The following CSTF3 variants were observed in gnomAD, a reference collection of about 807,000 sequenced individuals.
CSTF3 encodes CF-1 77 kDa subunit.
Under a neutral mutation model 105.8 loss-of-function variants are expected in CSTF3, and 29 were observed. The observed-to-expected ratio is 0.27, with a 90% confidence interval of 0.20 to 0.37. The LOEUF (loss-of-function observed/expected upper bound fraction) is 0.37, where lower values mean the gene tolerates loss of function less well. CSTF3 is among the 10% of genes least tolerant of loss of function. CSTF3 has a pLI of 1.00. For missense variants in CSTF3, 357 were observed against 879.3 expected, an observed-to-expected ratio of 0.41 and a Z score of 7.51; for synonymous variants, 252 against 281.9, an observed-to-expected ratio of 0.89 and a Z score of 1.06.
intron 17 of CSTF3, among the ~76,000 whole-genome samples, chr11:33,087,872 G>T (rs1017256373): frequency 1.2e-4 from 18 of 152,150 alleles, no homozygotes; most frequent in Non-Finnish European, 2.9e-5. Flanking sequence ...CACTAGCATT[G>T]CCCTGCCAGG....
chr11:33,158,242 GA>G lies in CSTF3; in HGVS notation c.27+3056del, dbSNP rs767322979. Among the ~76,000 whole-genome samples the G allele has an allele frequency of 7.2e-4, 110 of 152,246 alleles. 1 individual carries two copies. The highest frequency in any genetic ancestry group is 3.4e-3 in the Middle Eastern group (1 of 294). On this transcript the variant is annotated intron_variant, in intron 1 of 20. Coordinates refer to ENST00000323959, the MANE Select transcript of CSTF3 (RefSeq NM_001326.3). ...AAGATGACTTCCTTGTTGATAATCA[GA>G]TGTCTAAATTGCCTTTCAGACTTAA...
At chr11:33,117,258 A>G (rs1855439766) in intron 3 of CSTF3, among the ~76,000 whole-genome samples, 1 of 152,030 alleles carries the variant, frequency 6.6e-6, no homozygotes, top group Admixed American at 6.6e-5. Context: ...AGTACTTGAC[A>G]TAAGAAAAAC....
chr11:33,143,215 G>A (rs1235679341), intron 1 of CSTF3, among the ~76,000 whole-genome samples: 2 of 152,124 alleles, frequency 1.3e-5, no homozygotes, highest in Non-Finnish European at 2.9e-5. Context: ...GCTTAGACTG[G>A]TCATCCTTGG....
At chr11:33,105,806 A>C (rs1206313293) in intron 7 of CSTF3, 77 bp downstream of exon 7, 1 of 1,511,070 alleles carries the variant, frequency 6.6e-7, no homozygotes, top group Admixed American at 2.1e-5. Context: ...AATAGTATGG[A>C]GATTTCTCAA....
chr11:33,141,029 G>T (rs1236948362), intron 3 of CSTF3: 2 of 151,482 alleles, frequency 1.3e-5, no homozygotes, highest in Non-Finnish European at 2.9e-5. Flanking sequence ...TACATGCCTG[G>T]GTTCAAATTT....
chr11:33,158,615 A>G (rs958163439), intron 1 of CSTF3, among the ~76,000 whole-genome samples: 1 of 152,210 alleles, frequency 6.6e-6, no homozygotes, highest in Admixed American at 6.5e-5. Context: ...GACCCTTAAC[A>G]ATGAGATCAC....
intron 10 of CSTF3, among the ~76,000 whole-genome samples, chr11:33,101,767 G>C (rs897448028): frequency 1.3e-5 from 2 of 152,110 alleles, no homozygotes; most frequent in Non-Finnish European, 2.9e-5. Context: ...AAACTCCATG[G>C]TGGTTGAAGG....
intron 3 of CSTF3, among the ~76,000 whole-genome samples, chr11:33,111,120 C>T (rs980852620): frequency 2.0e-5 from 3 of 152,136 alleles, no homozygotes; most frequent in African/African-American, 7.2e-5. Context: ...ATCCCAGCTA[C>T]TCGGGAGGCT....
At position 33,090,480 on chromosome 11, in the gene CSTF3, C is replaced by A. The variant is rs112231782; in HGVS notation, c.1641+52G>T. On this transcript the variant is annotated intron_variant, in intron 17 of 20. Coordinates refer to ENST00000323959, the MANE Select transcript of CSTF3 (RefSeq NM_001326.3). ...GAGTGCAGGTTATCAATGAACTCTT[C>A]TAAAACACTGGAAAAGTGAGGACAC... The A allele has an allele frequency of 3.4e-6, 4 of 1,170,396 alleles. No individual in the cohort carries two copies. The African/African-American group carries it at 4.7e-5, about 14-fold the overall frequency. The allele number at this position is 1,170,396 out of a possible 1,614,324, so 72.5% of individuals were successfully genotyped here.
At chr11:33,153,457 C>A (rs1849815424) in intron 1 of CSTF3, among the ~76,000 whole-genome samples, 2 of 151,946 alleles carry the variant, frequency 1.3e-5, no homozygotes. Context: ...GTGACAGACA[C>A]TATCATGTTA....
intron 3 of CSTF3, among the ~76,000 whole-genome samples, chr11:33,123,821 CA>C (rs750083776): frequency 6.6e-6 from 1 of 151,978 alleles, no homozygotes; most frequent in Non-Finnish European, 1.5e-5. Context: ...GCCTCAAGAA[CA>C]GGGGTAGGTG....
rs1855132835 is a variant in CSTF3, at chr11:33,088,631, A to G, written c.1642-1490T>C. Among the ~76,000 whole-genome samples, 4 of 148,478 alleles carry G rather than the reference A, an allele frequency of 2.7e-5. 1 individual carries two copies. The South Asian group carries it at 8.6e-4, about 32-fold the overall frequency. On this transcript the variant is annotated intron_variant, in intron 17 of 20. Coordinates refer to ENST00000323959, the MANE Select transcript of CSTF3 (RefSeq NM_001326.3). ...TTTTTATTTTTTATTTTATTTTTTT[A>G]AGACAGGGTCTCACTCTGTCACCCA...
intron 3 of CSTF3, among the ~76,000 whole-genome samples, chr11:33,136,596 T>G (rs11032156): frequency 6.6e-6 from 1 of 151,810 alleles, no homozygotes; most frequent in Non-Finnish European, 1.5e-5. Context: ...CCTTTTGTTT[T>G]ATAAAGGAAA....
At chr11:33,141,848 C>T (rs1236301201) in intron 2 of CSTF3, 37 bp downstream of exon 2, 1 of 1,573,922 alleles carries the variant, frequency 6.4e-7, no homozygotes, top group Non-Finnish European at 8.6e-7. Flanking sequence ...TGTGATTGGA[C>T]CCATAGAGAA....
intron 12 of CSTF3, 21 bp from the exon 13 acceptor site, chr11:33,098,785 T>G (rs766667198): frequency 2.0e-6 from 3 of 1,465,148 alleles, no homozygotes; most frequent in African/African-American, 2.9e-5. Flanking sequence ...ACAGAAGAAG[T>G]GAGTATCAAC....
chr11:33,099,698 C>T lies in CSTF3; in HGVS notation c.846G>A (p.Gln282=). 1 of 1,607,372 alleles carries T rather than the reference C, an allele frequency of 6.2e-7. No homozygotes were observed. Among genetic ancestry groups the T allele is most frequent in the Non-Finnish European group, 8.5e-7 (1 of 1,177,258 alleles). The change falls in exon 11 of 21, where the codon CAG becomes CAA. Residue 282 remains glutamine, a synonymous_variant. Coordinates refer to ENST00000323959, the MANE Select transcript of CSTF3 (RefSeq NM_001326.3). This position sits in a 1 kb window ranked among gnomAD's most constrained non-coding sequence, Gnocchi z 4.1. ...ITKRVMFAYE[Q]CLLVLGHHPD... ...GGTGATGGCCCAGCACAAGCAGGCA[C>T]TGTTCATAAGCAAACATAACTAAGG...
intron 3 of CSTF3, among the ~76,000 whole-genome samples, chr11:33,121,073 T>C (rs963523936): frequency 1.3e-5 from 2 of 152,068 alleles, no homozygotes; most frequent in Non-Finnish European, 2.9e-5. Flanking sequence ...TTCCATTACT[T>C]TTCTTGAATG....
intron 15 of CSTF3, among the ~76,000 whole-genome samples, chr11:33,093,008 C>A (rs1855184471): frequency 6.6e-6 from 1 of 152,152 alleles, no homozygotes; most frequent in Admixed American, 6.6e-5. Context: ...GTAACAACAA[C>A]CATTGAATCT....
intron 1 of CSTF3, among the ~76,000 whole-genome samples, chr11:33,149,199 C>T (rs896058774): frequency 6.6e-6 from 1 of 152,214 alleles, no homozygotes; most frequent in African/African-American, 2.4e-5. Flanking sequence ...CCCTAAAATG[C>T]TATCCAGATA....
Sources: allele counts gnomAD v4.1 joint callset (sites outside exome capture counted in the v4.1 genomes callset), GRCh38; gene constraint gnomAD v4.1.1; non-coding constraint Gnocchi (gnomAD v3.1); transcripts MANE v1.5; gene names NCBI Gene and HGNC (gene_info 2026-07-23, HGNC 2026-07-21).